The following LAMA2 variants were observed in gnomAD, a reference collection of about 807,000 sequenced individuals.
LAMA2 encodes laminin subunit alpha 2.
LAMA2 carries 269 observed loss-of-function variants against 364.8 expected under a neutral mutation model. That is an observed-to-expected ratio of 0.74 (90% confidence interval 0.67 to 0.82). LAMA2 has a LOEUF of 0.82. LAMA2 is among the 40% of genes least tolerant of loss of function. The pLI, the probability that LAMA2 is intolerant of heterozygous loss-of-function variation, is 0.00. For missense variants in LAMA2, 3,807 were observed against 3,873.2 expected (o/e 0.98, Z 0.45); for synonymous variants, 1,379 against 1,370.6 (o/e 1.01, Z -0.14).
intron 3 of LAMA2, among the ~76,000 whole-genome samples, chr6:129,070,627 T>C (rs961105047): frequency 1.8e-4 from 28 of 152,306 alleles, no homozygotes; most frequent in African/African-American, 4.6e-4. Flanking sequence ...ATTACTAGTA[T>C]GCTCTTTCCT....
At chr6:129,123,134 C>A (rs1479231472) in intron 4 of LAMA2, among the ~76,000 whole-genome samples, 1 of 151,884 alleles carries the variant, frequency 6.6e-6, no homozygotes, top group African/African-American at 2.4e-5. Context: ...GAAACCCTGT[C>A]TCTACTAAAA....
intron 14 of LAMA2, among the ~76,000 whole-genome samples, chr6:129,257,098 G>A (rs1442683172): frequency 6.6e-6 from 1 of 151,780 alleles, no homozygotes; most frequent in Admixed American, 6.6e-5. Context: ...TGACTTAGTT[G>A]ACAATTCTTT....
intron 43 of LAMA2, 38 bp from the exon 44 acceptor site, chr6:129,443,024 AT>A (rs530596252): frequency 7.1e-4 from 1,051 of 1,488,114 alleles, no homozygotes; most frequent in African/African-American, 2.4e-3. Context: ...TGAATTTATA[AT>A]TTTTTTTTGT....
At chr6:129,447,963 C>T (rs1782474032) in intron 45 of LAMA2, among the ~76,000 whole-genome samples, 1 of 152,130 alleles carries the variant, frequency 6.6e-6, no homozygotes. Flanking sequence ...GACATGTAAG[C>T]ATATAAAACC....
At chr6:129,195,143 G>A (rs988183530) in intron 12 of LAMA2, among the ~76,000 whole-genome samples, 3 of 152,126 alleles carry the variant, frequency 2.0e-5, no homozygotes, top group Non-Finnish European at 4.4e-5. Flanking sequence ...GATGCTATTA[G>A]CTTTTCCTAA....
chr6:129,316,379 G>A (rs965064099), intron 27 of LAMA2, among the ~76,000 whole-genome samples: 29 of 150,658 alleles, frequency 1.9e-4, no homozygotes, highest in Admixed American at 6.6e-4. Context: ...ACGTTAAAGG[G>A]AAAAAAAAAT....
At chr6:129,470,337 A>G (rs1210222831) in intron 51 of LAMA2, among the ~76,000 whole-genome samples, 3 of 151,918 alleles carry the variant, frequency 2.0e-5, no homozygotes, top group Non-Finnish European at 4.4e-5. Flanking sequence ...GAAAATATAG[A>G]TGATGGTGTC....
Position 129,135,801 on chromosome 6 carries a change from A to G in LAMA2, c.640-8100A>G, listed in dbSNP as rs1777757298. ...TAGCTTAACAGCACAAAGATTTAAC[A>G]GTGGTGTCTGCATTTGATAAAATGT... On this transcript the variant is annotated intron_variant, in intron 4 of 64. Coordinates refer to ENST00000421865, the MANE Select transcript of LAMA2 (RefSeq NM_000426.4). 1.3e-5 allele frequency among the ~76,000 whole-genome samples: 2 copies of G among 152,194 alleles called. 1 individual carries two copies. The highest frequency in any genetic ancestry group is 4.1e-4 in the South Asian group (2 of 4,830).
At chr6:129,102,597 T>C (rs954910349) in intron 4 of LAMA2, among the ~76,000 whole-genome samples, 1 of 152,236 alleles carries the variant, frequency 6.6e-6, no homozygotes, top group Non-Finnish European at 1.5e-5. Context: ...TTTTGTCTGA[T>C]AATTCTAATA....
At chr6:129,163,404 C>T (rs1051519069) in intron 8 of LAMA2, among the ~76,000 whole-genome samples, 1 of 152,130 alleles carries the variant, frequency 6.6e-6, no homozygotes. Context: ...AAGGCCGAAG[C>T]AGGCAAGTCG....
At chr6:129,484,925 C>T (rs140456002) in intron 55 of LAMA2, among the ~76,000 whole-genome samples, 93 of 152,128 alleles carry the variant, frequency 6.1e-4, no homozygotes, top group Non-Finnish European at 1.2e-3. Context: ...GCAGCTTCAT[C>T]GTTTACATGT....
chr6:128,967,111 A>G (rs1289007082), intron 1 of LAMA2, among the ~76,000 whole-genome samples: 1 of 152,156 alleles, frequency 6.6e-6, no homozygotes, highest in Non-Finnish European at 1.5e-5. Context: ...AATGAGTTCA[A>G]TTCACTTGCT....
chr6:129,076,555 C>T (rs1285694198), intron 3 of LAMA2, among the ~76,000 whole-genome samples: 1 of 146,018 alleles, frequency 6.8e-6, no homozygotes. Context: ...AGGTGAATGG[C>T]TCCAAACACA....
In LAMA2 at chr6:128,883,335, G is replaced by A; in HGVS notation, c.90G>A (p.Gln30=). The stretch of plus-strand genomic sequence containing the variant: ...CGCAGCGGCCGCAGCAGCAGCGGCA[G>A]TCACAGGCACATCAGCAAAGAGGTA... The part of the protein sequence containing the change: ...VQAQRPQQQR[Q]SQAHQQRGLF... The change falls in exon 1 of 65, where the codon CAG becomes CAA. Residue 30 remains glutamine, a synonymous_variant. Transcript: ENST00000421865. 6.3e-7 allele frequency: 1 copy of A among 1,598,942 alleles called. No homozygotes were observed. Among genetic ancestry groups the A allele is most frequent in the Non-Finnish European group, 8.5e-7 (1 of 1,173,118 alleles).
At chr6:128,928,593 G>C (rs983870161) in intron 1 of LAMA2, among the ~76,000 whole-genome samples, 5 of 152,170 alleles carry the variant, frequency 3.3e-5, no homozygotes, top group African/African-American at 1.2e-4. Flanking sequence ...TTATTCTTAC[G>C]ATAGAATTCC....
intron 63 of LAMA2, among the ~76,000 whole-genome samples, chr6:129,513,793 G>A (rs545746391): frequency 3.6e-4 from 55 of 151,088 alleles, no homozygotes; most frequent in African/African-American, 1.3e-3. Context: ...AATTTAACTG[G>A]CCTTCTGGCT....
chr6:129,150,285 T>G (rs1168725095), intron 7 of LAMA2, among the ~76,000 whole-genome samples: 1 of 152,158 alleles, frequency 6.6e-6, no homozygotes, highest in African/African-American at 2.4e-5. Flanking sequence ...CCACAGCTTC[T>G]CCATAGAGAA....
intron 1 of LAMA2, among the ~76,000 whole-genome samples, chr6:128,948,052 G>A (rs1780588182): frequency 6.6e-6 from 1 of 152,076 alleles, no homozygotes; most frequent in Non-Finnish European, 1.5e-5. Flanking sequence ...ATGAAAGGGT[G>A]GGGAGTTAAA....
At chr6:128,945,871 A>G (rs1373204210) in intron 1 of LAMA2, among the ~76,000 whole-genome samples, 1 of 152,198 alleles carries the variant, frequency 6.6e-6, no homozygotes, top group Non-Finnish European at 1.5e-5. Context: ...TTCGGATATA[A>G]CTCAGGTGGC....
Sources: gnomAD v4.1 joint callset for allele counts (sites outside exome capture counted in the v4.1 genomes callset) on GRCh38, gnomAD v4.1.1 for gene constraint, MANE v1.5 for transcripts, NCBI Gene and HGNC (gene_info 2026-07-23, HGNC 2026-07-21) for gene names.